Variants in CDH8 observed in about 807,000 individuals in gnomAD.
CDH8 encodes the protein cadherin 8.
A neutral mutation model predicts 68.1 loss-of-function variants in CDH8; 17 were observed. The observed-to-expected ratio is 0.25, with a 90% CI of 0.17 to 0.37. The LOEUF is 0.37. CDH8 is among the 10% of genes least tolerant of loss of function. The pLI is 1.00. For missense variants in CDH8, 763 were observed against 999.3 expected, an observed-to-expected ratio of 0.76 and a Z score of 3.19; for synonymous variants, 372 against 365.1, an observed-to-expected ratio of 1.02 and a Z score of -0.21.
At chr16:61,672,580 T>C (rs1963819987) in intron 10 of CDH8, among the ~76,000 whole-genome samples, 1 of 152,030 alleles carries the variant, frequency 6.6e-6, no homozygotes, top group African/African-American at 2.4e-5. Flanking sequence ...AAACTTAAAC[T>C]AATAGTAGTT....
intron 3 of CDH8, among the ~76,000 whole-genome samples, chr16:61,886,253 C>T (rs1355470459): frequency 6.6e-6 from 1 of 152,064 alleles, no homozygotes; most frequent in Non-Finnish European, 1.5e-5. Flanking sequence ...TTTCACAAGG[C>T]AGACACAAGA....
chr16:61,940,398 C>CTTTTTTGTTTTTTTTTTTTTTTTTT (rs1964695723), intron 2 of CDH8: 1 of 116,342 alleles, frequency 8.6e-6, no homozygotes, highest in Non-Finnish European at 1.7e-5. Context: ...ACTACTTGAT[C>CTTTTTTGTTTTTTTTTTTTTTTTTT]TTTTTTTTTT....
chr16:61,984,946 T>A (rs1965600895), intron 2 of CDH8, among the ~76,000 whole-genome samples: 1 of 152,182 alleles, frequency 6.6e-6, no homozygotes, highest in South Asian at 2.1e-4. Context: ...CTATTTCTGT[T>A]TATATGAAGT....
At chr16:61,956,346 A>G (rs1039147364) in intron 2 of CDH8, among the ~76,000 whole-genome samples, 5 of 152,210 alleles carry the variant, frequency 3.3e-5, no homozygotes, top group African/African-American at 1.2e-4. Context: ...TTGAAAAAGC[A>G]CAAGCCTTAC....
At chr16:61,978,975 A>AT (rs5817328) in intron 2 of CDH8, among the ~76,000 whole-genome samples, 69,947 of 150,620 alleles carry the variant, frequency 0.46, 19,044 homozygotes, top group East Asian at 0.63. Flanking sequence ...AAAATGAGCC[A>AT]TTTTTTTTCC....
At chr16:61,931,736 G>A (rs1964542272) in intron 2 of CDH8, among the ~76,000 whole-genome samples, 1 of 152,118 alleles carries the variant, frequency 6.6e-6, no homozygotes, top group Admixed American at 6.5e-5. Flanking sequence ...TAAGCAAAAT[G>A]TTAGACAAAA....
intron 10 of CDH8, chr16:61,692,643 C>T (rs942009306): frequency 1.3e-5 from 2 of 150,816 alleles, no homozygotes; most frequent in African/African-American, 4.9e-5. Flanking sequence ...CCTGTCATAA[C>T]AGGCTAAATA....
intron 8 of CDH8, among the ~76,000 whole-genome samples, chr16:61,736,526 G>T (rs1465911322): frequency 6.6e-6 from 1 of 152,034 alleles, no homozygotes; most frequent in Non-Finnish European, 1.5e-5. Flanking sequence ...AATCTACTGG[G>T]TATTTCTTGA....
chr16:61,680,651 AC>A (rs141129060), intron 10 of CDH8, among the ~76,000 whole-genome samples: 5,085 of 151,918 alleles, frequency 0.033, 290 homozygotes, highest in African/African-American at 0.12. Flanking sequence ...ACATACACAC[AC>A]ACACAATTGG....
intron 2 of CDH8, among the ~76,000 whole-genome samples, chr16:61,948,463 T>C (rs1178340203): frequency 1.3e-5 from 2 of 152,174 alleles, no homozygotes; most frequent in Non-Finnish European, 2.9e-5. Context: ...GTGGAAAATA[T>C]GCTGTCCCCC....
intron 1 of CDH8, among the ~76,000 whole-genome samples, chr16:62,033,395 A>G (rs1369512978): frequency 1.3e-5 from 2 of 152,200 alleles, no homozygotes; most frequent in South Asian, 2.1e-4. Flanking sequence ...GAAGACTGCT[A>G]TCAAATTTTC....
chr16:61,809,532 TG>T (rs1961888572), intron 7 of CDH8, among the ~76,000 whole-genome samples: 1 of 152,262 alleles, frequency 6.6e-6, no homozygotes, highest in East Asian at 1.9e-4. Flanking sequence ...CAAACCACCA[TG>T]GCACAAGTAT....
intron 2 of CDH8, among the ~76,000 whole-genome samples, chr16:61,978,506 T>A (rs1236186357): frequency 6.6e-6 from 1 of 152,216 alleles, no homozygotes; most frequent in Non-Finnish European, 1.5e-5. Context: ...ATAATTCTGA[T>A]TGACTTGTAA....
chr16:61,838,390 G>T (rs1332448061), intron 4 of CDH8, among the ~76,000 whole-genome samples: 3 of 152,044 alleles, frequency 2.0e-5, no homozygotes, highest in Non-Finnish European at 4.4e-5. Context: ...CTAACTGTCT[G>T]CTTCCTTCAA....
intron 8 of CDH8, among the ~76,000 whole-genome samples, chr16:61,747,248 T>A (rs1960046761): frequency 6.6e-6 from 1 of 152,102 alleles, no homozygotes; most frequent in Non-Finnish European, 1.5e-5. Context: ...AATATGCAAA[T>A]CTGCAAGGAA....
intron 2 of CDH8, among the ~76,000 whole-genome samples, chr16:61,963,277 C>T (rs1965190494): frequency 6.6e-6 from 1 of 152,150 alleles, no homozygotes; most frequent in African/African-American, 2.4e-5. Flanking sequence ...TCACCATGAC[C>T]ATCAGTGCAG....
intron 3 of CDH8, among the ~76,000 whole-genome samples, chr16:61,897,397 C>T (rs573135262): frequency 2.0e-5 from 3 of 152,216 alleles, no homozygotes; most frequent in Non-Finnish European, 2.9e-5. Context: ...GGATTACAGG[C>T]ATATGCCACC....
chr16:61,857,065 C>T, intron 4 of CDH8, 54 bp downstream of exon 4: 2 of 1,603,422 alleles, frequency 1.2e-6, no homozygotes, highest in South Asian at 2.2e-5. Flanking sequence ...CCAAGAAAAG[C>T]ATTTCCCTGA....
intron 3 of CDH8, among the ~76,000 whole-genome samples, chr16:61,889,554 C>G (rs1325056407): frequency 6.6e-6 from 1 of 152,150 alleles, no homozygotes; most frequent in Non-Finnish European, 1.5e-5. Flanking sequence ...CAGAATTTCA[C>G]AAATATGTGT....
Sources: gnomAD v4.1 joint callset for allele counts (sites outside exome capture counted in the v4.1 genomes callset) on GRCh38, gnomAD v4.1.1 for gene constraint, MANE v1.5 for transcripts, NCBI Gene and HGNC (gene_info 2026-07-23, HGNC 2026-07-21) for gene names.